LRIG1: variants seen among roughly 807,000 people sequenced by gnomAD.
LRIG1 encodes leucine rich repeats and immunoglobulin like domains 1.
In LRIG1, 48 loss-of-function variants were observed where a neutral mutation model predicts 99.2. That is an observed-to-expected ratio of 0.48 (90% CI 0.38 to 0.62). LRIG1 has a LOEUF of 0.62. LRIG1 is among the 20% of genes least tolerant of loss of function. The probability of loss-of-function intolerance (pLI) is 0.00; values close to 1 mark genes in which losing one functional copy is unlikely to be tolerated. For synonymous variants in LRIG1, 772 were observed against 596.1 expected (o/e 1.29, Z -4.30); for missense variants, 1,646 against 1,434.4 (o/e 1.15, Z -2.38).
At chr3:66,432,242 C>T (rs1386924596) in intron 3 of LRIG1, among the ~76,000 whole-genome samples, 1 of 152,310 alleles carries the variant, frequency 6.6e-6, no homozygotes, top group Admixed American at 6.5e-5. Flanking sequence ...GGCACAAAAG[C>T]CTGCTCCAGG....
At chr3:66,477,555 A>C (rs1442162914) in intron 1 of LRIG1, among the ~76,000 whole-genome samples, 1 of 152,216 alleles carries the variant, frequency 6.6e-6, no homozygotes, top group Admixed American at 6.5e-5. Flanking sequence ...ACCTCATCCA[A>C]GAGGCAAACT....
intron 3 of LRIG1, among the ~76,000 whole-genome samples, chr3:66,424,358 C>T (rs571853462): frequency 1.7e-4 from 26 of 152,238 alleles, no homozygotes; most frequent in African/African-American, 4.1e-4. Flanking sequence ...AGGTCTCCCC[C>T]CCATGAAGGT....
chr3:66,384,238 T>G lies in LRIG1; in HGVS notation c.1824A>C (p.Ile608=). Residue 608 remains isoleucine, a synonymous_variant, in exon 14 of 19, where the codon ATA becomes ATC. Coordinates refer to ENST00000273261, the MANE Select transcript of LRIG1 (RefSeq NM_015541.3). The part of the protein sequence containing the change: ...LPSFTKTPHD[I]TIRTTTMARL... ...GGGCCATGGTGGTGGTCCGGATGGT[T>G]ATGTCGTGGGGCGTTTTGGTGAATG... 6.2e-7 allele frequency: 1 copy of G among 1,613,278 alleles called. No individual in the cohort carries two copies. The highest frequency in any genetic ancestry group is 1.7e-5 in the Admixed American group (1 of 59,998).
intron 9 of LRIG1, among the ~76,000 whole-genome samples, chr3:66,402,438 G>A (rs1575662797): frequency 6.6e-6 from 1 of 152,176 alleles, no homozygotes. Context: ...GCGTAAGCTG[G>A]AAAAATTAAG....
intron 9 of LRIG1, among the ~76,000 whole-genome samples, chr3:66,404,607 G>A (rs1384029272): frequency 6.6e-6 from 1 of 152,132 alleles, no homozygotes; most frequent in Non-Finnish European, 1.5e-5. Context: ...CTAATAAAGA[G>A]GTTGCCTAAC....
chr3:66,476,679 A>C (rs750853388), intron 1 of LRIG1, among the ~76,000 whole-genome samples: 1 of 152,196 alleles, frequency 6.6e-6, no homozygotes, highest in African/African-American at 2.4e-5. Context: ...GGGTCACATT[A>C]AAGAACCTGC....
Position 66,403,997 on chromosome 3 carries a change from G to C in LRIG1, c.1160+1201C>G, listed in dbSNP as rs186811163. On this transcript the variant is annotated intron_variant, in intron 9 of 18. Coordinates refer to ENST00000273261, the MANE Select transcript of LRIG1 (RefSeq NM_015541.3). ...GGTTTGCCCCGTATGGGATAAAAAG[G>C]GGTCACGTATGGGTTAAAGGCTGGG... 2.0e-5 allele frequency among the ~76,000 whole-genome samples: 3 copies of C among 152,312 alleles called. No individual in the cohort carries two copies. The East Asian group carries it at 5.8e-4, about 29-fold the overall frequency.
At chr3:66,465,018 C>T (rs986853095) in intron 1 of LRIG1, among the ~76,000 whole-genome samples, 3 of 152,032 alleles carry the variant, frequency 2.0e-5, no homozygotes, top group Non-Finnish European at 2.9e-5. Context: ...TAAGTTTTCA[C>T]GGGGTCAGCT....
Position 66,383,268 on chromosome 3 carries a change from G to A in LRIG1, c.2205C>T (p.Leu735=), listed in dbSNP as rs753441628. The A allele has an allele frequency of 2.5e-6, 4 of 1,613,948 alleles. No homozygotes were observed. The highest frequency in any genetic ancestry group is 3.3e-4 in the Middle Eastern group (2 of 6,082). Residue 735 remains leucine (L), a synonymous_variant, in exon 15 of 19, where the codon CTC becomes CTT. Coordinates refer to ENST00000273261, the MANE Select transcript of LRIG1 (RefSeq NM_015541.3). Reference sequence around the variant, plus strand: ...CAGGGGTCAAGTGGTGCCGCTCAGTGAGGCTCAGCGGGCGGTCCCCCTTGA... The same window carrying A: ...CAGGGGTCAAGTGGTGCCGCTCAGTAAGGCTCAGCGGGCGGTCCCCCTTGA... ...TWFKGDRPLS[L]TERHHLTPDN...
At chr3:66,392,440 A>G (rs1701656806) in intron 12 of LRIG1, among the ~76,000 whole-genome samples, 1 of 152,160 alleles carries the variant, frequency 6.6e-6, no homozygotes, top group South Asian at 2.1e-4. Flanking sequence ...TATCCTCAGC[A>G]ACACTTGTTA....
At chr3:66,396,488 G>A (rs1238381138) in intron 11 of LRIG1, among the ~76,000 whole-genome samples, 2 of 152,228 alleles carry the variant, frequency 1.3e-5, no homozygotes, top group Non-Finnish European at 2.9e-5. Context: ...TGATCTGATG[G>A]AGAAAAAGAC....
chr3:66,418,221 C>A (rs562090784), intron 3 of LRIG1, among the ~76,000 whole-genome samples: 1 of 152,074 alleles, frequency 6.6e-6, no homozygotes, highest in African/African-American at 2.4e-5. Flanking sequence ...CCTCCCAGAT[C>A]GCTGGGATTA....
chr3:66,420,479 G>A (rs1036181026), intron 3 of LRIG1, among the ~76,000 whole-genome samples: 2 of 152,172 alleles, frequency 1.3e-5, no homozygotes, highest in African/African-American at 4.8e-5. Context: ...CTAAATAACT[G>A]AAAGCAGACC....
At position 66,380,801 on chromosome 3, in the gene LRIG1, C is replaced by A. The variant is rs755418262; in HGVS notation, c.2831G>T (p.Gly944Val). The change falls in exon 18 of 19, where the codon GGA (glycine) becomes GTA (valine). Residue 944 changes from glycine (G) to valine (V), a missense_variant. Gly to Val is a moderately radical substitution (Grantham distance 109). Transcript: ENST00000273261. Reference sequence around the variant, plus strand: ...CACAGGCTGGGGGTGGAAGGCTTGTCCCCTGGAGTAACAGTCCACTTCGGT... The same window carrying A: ...CACAGGCTGGGGGTGGAAGGCTTGTACCCTGGAGTAACAGTCCACTTCGGT... The part of the protein sequence containing the change: ...CNTEVDCYSR[G>V]QAFHPQPVSR... 7 of 1,614,188 alleles carry A rather than the reference C, an allele frequency of 4.3e-6. No individual in the cohort carries two copies. Among genetic ancestry groups the A allele is most frequent in the South Asian group, 2.2e-5 (2 of 91,084 alleles).
intron 3 of LRIG1, among the ~76,000 whole-genome samples, chr3:66,421,618 C>T (rs13080339): frequency 0.17 from 26,578 of 152,136 alleles, 2,452 homozygotes; most frequent in Admixed American, 0.25. Flanking sequence ...TGAGTGTCTG[C>T]GGCTTTTCCA....
chr3:66,380,958 G>A, intron 17 of LRIG1, 97 bp from the exon 18 acceptor site: 1 of 1,278,478 alleles, frequency 7.8e-7, no homozygotes, highest in Non-Finnish European at 1.1e-6. Context: ...TGCAAGGTGA[G>A]AACCCTGACT....
chr3:66,403,624 C>T (rs1218308589), intron 9 of LRIG1, among the ~76,000 whole-genome samples: 1 of 152,156 alleles, frequency 6.6e-6, no homozygotes, highest in African/African-American at 2.4e-5. Flanking sequence ...GCACAGAGGG[C>T]GGGCACTCAG....
At chr3:66,449,419 C>A (rs1026807743) in intron 3 of LRIG1, among the ~76,000 whole-genome samples, 4 of 152,222 alleles carry the variant, frequency 2.6e-5, no homozygotes, top group African/African-American at 9.6e-5. Flanking sequence ...AAACTGAATC[C>A]AAACAGGGAG....
In LRIG1 at chr3:66,380,782, C is replaced by G. The variant is rs1307614731; in HGVS notation, c.2850G>C (p.Gln950His). 6.2e-7 allele frequency: 1 copy of G among 1,614,186 alleles called. No homozygotes were observed. Among genetic ancestry groups the G allele is most frequent in the African/African-American group, 1.3e-5 (1 of 75,062 alleles). The change falls in exon 18 of 19, where the codon CAG becomes CAC. Residue 950 changes from glutamine (Q) to histidine (H), a missense_variant. Gln to His is a conservative substitution (Grantham distance 24). Coordinates refer to ENST00000273261, the MANE Select transcript of LRIG1 (RefSeq NM_015541.3). ...CYSRGQAFHP[Q>H]PVSRDSAQPS... ...GCTGTGCGCTGTCTCTGGACACAGG[C>G]TGGGGGTGGAAGGCTTGTCCCCTGG...
Sources: gnomAD v4.1 joint callset for allele counts (sites outside exome capture counted in the v4.1 genomes callset) on GRCh38, gnomAD v4.1.1 for gene constraint, MANE v1.5 for transcripts, NCBI Gene and HGNC (gene_info 2026-07-23, HGNC 2026-07-21) for gene names.